GLI3: variants seen among roughly 807,000 people sequenced by gnomAD.
GLI3 encodes the protein transcription activator GLI3.
Under a neutral mutation model 100.8 loss-of-function variants are expected in GLI3, and 20 were observed. The ratio of observed to expected loss-of-function variants is 0.20; its 90% CI spans 0.14 to 0.29. GLI3 has a LOEUF of 0.29. Ranked by LOEUF, GLI3 falls within the 10% of genes least tolerant of loss-of-function variation. GLI3 has a pLI of 1.00. For synonymous variants in GLI3, 938 were observed against 860.5 expected (o/e 1.09, Z -1.58); for missense variants, 2,040 against 2,128.5 (o/e 0.96, Z 0.82).
intron 3 of GLI3, among the ~76,000 whole-genome samples, chr7:42,094,653 G>C (rs931687837): frequency 1.3e-5 from 2 of 151,940 alleles, no homozygotes; most frequent in East Asian, 3.9e-4. Flanking sequence ...AGAATTGCTT[G>C]AATCTGGGAG....
chr7:42,243,354 A>C lies in GLI3; in HGVS notation c.-42-20059T>G, dbSNP rs995684598. 5.3e-5 allele frequency among the ~76,000 whole-genome samples: 8 copies of C among 152,174 alleles called. 1 individual carries two copies. In the South Asian group the frequency reaches 6.2e-4, roughly 12 times the overall value. On this transcript the variant is annotated intron_variant, in intron 1 of 2. Transcript: ENST00000678978. ...GAATTTGGTAGGTGGGAGTTTGTCT[A>C]TCTCTCCACCTGTAGCTCTCTCTTT... is the stretch of plus-strand genomic sequence containing the variant.
At chr7:42,142,697 A>C (rs1786597654) in intron 3 of GLI3, among the ~76,000 whole-genome samples, 1 of 151,826 alleles carries the variant, frequency 6.6e-6, no homozygotes, top group Non-Finnish European at 1.5e-5. Context: ...CTTTGCTCCA[A>C]GTTGTCTTGC....
At chr7:42,220,649 A>T (rs1441181580) in intron 2 of GLI3, among the ~76,000 whole-genome samples, 1 of 152,162 alleles carries the variant, frequency 6.6e-6, no homozygotes, top group Non-Finnish European at 1.5e-5. Context: ...TTAGATGAAA[A>T]CTGTAGAGGA....
At chr7:42,219,719 G>C (rs1264072859) in intron 2 of GLI3, among the ~76,000 whole-genome samples, 1 of 152,138 alleles carries the variant, frequency 6.6e-6, no homozygotes, top group Non-Finnish European at 1.5e-5. Flanking sequence ...GGCTGGAAAA[G>C]TTAATTAAAG....
At chr7:42,124,891 G>C (rs1393768634) in intron 3 of GLI3, among the ~76,000 whole-genome samples, 2 of 152,156 alleles carry the variant, frequency 1.3e-5, no homozygotes, top group African/African-American at 4.8e-5. Flanking sequence ...AAAATCTAGC[G>C]GTTTGATTTG....
chr7:42,219,946 C>T (rs951325982), intron 2 of GLI3, among the ~76,000 whole-genome samples: 7 of 151,700 alleles, frequency 4.6e-5, no homozygotes, highest in Admixed American at 3.9e-4. Context: ...CTCCACCTCC[C>T]GAATTCACGC....
intron 10 of GLI3, among the ~76,000 whole-genome samples, chr7:42,000,790 A>G (rs1309010734): frequency 6.6e-6 from 1 of 152,208 alleles, no homozygotes; most frequent in East Asian, 1.9e-4. Flanking sequence ...ACCAAATCAG[A>G]TCAACTCATG....
intron 10 of GLI3, among the ~76,000 whole-genome samples, chr7:42,018,260 C>T (rs1788826803): frequency 6.6e-6 from 1 of 152,178 alleles, no homozygotes; most frequent in Non-Finnish European, 1.5e-5. Flanking sequence ...ATTTTATATG[C>T]CGTGTTTCCA....
intron 2 of GLI3, among the ~76,000 whole-genome samples, chr7:42,204,706 A>G (rs532021804): frequency 1.3e-5 from 2 of 152,296 alleles, no homozygotes; most frequent in African/African-American, 4.8e-5. Context: ...ATTTCCCTAA[A>G]TTCTGTCCCC....
chr7:42,042,188 T>A (rs1784154704), intron 6 of GLI3, among the ~76,000 whole-genome samples: 1 of 152,028 alleles, frequency 6.6e-6, no homozygotes, highest in Non-Finnish European at 1.5e-5. Flanking sequence ...AATTTTTTTT[T>A]ATTTTTAGCA....
intron 3 of GLI3, among the ~76,000 whole-genome samples, chr7:42,081,825 C>T (rs1212788511): frequency 6.6e-6 from 1 of 152,070 alleles, no homozygotes; most frequent in African/African-American, 2.4e-5. Flanking sequence ...AGGAGTAATT[C>T]ACCAAATGAT....
At chr7:42,001,754 T>A (rs1316127356) in intron 10 of GLI3, among the ~76,000 whole-genome samples, 1 of 151,946 alleles carries the variant, frequency 6.6e-6, no homozygotes, top group Non-Finnish European at 1.5e-5. Flanking sequence ...TATAAAATAA[T>A]AAGCAAGGGG....
At chr7:42,201,942 C>T (rs1788047774) in intron 2 of GLI3, among the ~76,000 whole-genome samples, 1 of 151,836 alleles carries the variant, frequency 6.6e-6, no homozygotes, top group African/African-American at 2.4e-5. Context: ...ATTAGCTGGG[C>T]ATGGTGGCGT....
chr7:42,126,737 A>C (rs1219172637), intron 3 of GLI3, among the ~76,000 whole-genome samples: 1 of 152,222 alleles, frequency 6.6e-6, no homozygotes, highest in Non-Finnish European at 1.5e-5. Flanking sequence ...ACAGTATTTA[A>C]AATTTTCAGA....
intron 4 of GLI3, among the ~76,000 whole-genome samples, chr7:42,067,120 C>T (rs7799719): frequency 0.02 from 3,073 of 152,244 alleles, 85 homozygotes; most frequent in African/African-American, 0.071. Context: ...TCCAACATAA[C>T]TCTAATATTA....
At chr7:42,096,781 AC>A (rs1318365237) in intron 3 of GLI3, among the ~76,000 whole-genome samples, 2 of 152,302 alleles carry the variant, frequency 1.3e-5, no homozygotes, top group African/African-American at 4.8e-5. Flanking sequence ...CAGCCATGAA[AC>A]CAGACTCCAG....
intron 3 of GLI3, among the ~76,000 whole-genome samples, chr7:42,113,822 GA>G (rs1459804663): frequency 1.3e-5 from 2 of 152,212 alleles, no homozygotes; most frequent in African/African-American, 4.8e-5. Flanking sequence ...CTGATGTGGG[GA>G]AAACACCTTT....
intron 1 of GLI3, among the ~76,000 whole-genome samples, chr7:42,261,790 A>C (rs1312961350): frequency 6.6e-6 from 1 of 152,062 alleles, no homozygotes; most frequent in Non-Finnish European, 1.5e-5. Flanking sequence ...ATAGAGATTT[A>C]AGTGAATTGA....
At chr7:42,236,199 C>T (rs1438626269) in intron 1 of GLI3, among the ~76,000 whole-genome samples, 1 of 152,154 alleles carries the variant, frequency 6.6e-6, no homozygotes, top group African/African-American at 2.4e-5. Context: ...TATTTACACC[C>T]TCTCTGCCTT....
Sources: gnomAD v4.1 joint callset for allele counts (sites outside exome capture counted in the v4.1 genomes callset) on GRCh38, gnomAD v4.1.1 for gene constraint, MANE v1.5 for transcripts, NCBI Gene and HGNC (gene_info 2026-07-23, HGNC 2026-07-21) for gene names.